PCSK2: variants seen among roughly 807,000 people sequenced by gnomAD.
PCSK2 encodes the protein proprotein convertase subtilisin/kexin type 2.
PCSK2 carries 14 observed loss-of-function variants against 69.7 expected under a neutral mutation model. That is an observed-to-expected ratio of 0.20 (90% CI 0.13 to 0.31). PCSK2 has a LOEUF of 0.31. Ranked by LOEUF, PCSK2 falls within the 10% of genes least tolerant of loss-of-function variation. The pLI is 1.00. For synonymous variants in PCSK2, 307 were observed against 320.7 expected, an observed-to-expected ratio of 0.96 and a Z score of 0.46; for missense variants, 544 against 842.5, an observed-to-expected ratio of 0.65 and a Z score of 4.39.
At chr20:17,240,828 A>G (rs1986542641) in intron 1 of PCSK2, among the ~76,000 whole-genome samples, 1 of 152,162 alleles carries the variant, frequency 6.6e-6, no homozygotes, top group Non-Finnish European at 1.5e-5. Context: ...CTAATCCCTC[A>G]TAGGAGTGTC....
chr20:17,392,314 C>A (rs2031403596), intron 5 of PCSK2, among the ~76,000 whole-genome samples: 2 of 152,140 alleles, frequency 1.3e-5, no homozygotes, highest in African/African-American at 4.8e-5. Flanking sequence ...GGAAACAGTT[C>A]TTTTGAATAG....
At chr20:17,335,983 A>G (rs1215792065) in intron 2 of PCSK2, among the ~76,000 whole-genome samples, 1 of 151,876 alleles carries the variant, frequency 6.6e-6, no homozygotes, top group Non-Finnish European at 1.5e-5. Flanking sequence ...TCATCACAGC[A>G]TCACCTATTT....
chr20:17,431,284 T>C (rs2123340619), intron 7 of PCSK2, among the ~76,000 whole-genome samples: 1 of 152,310 alleles, frequency 6.6e-6, no homozygotes, highest in South Asian at 2.1e-4. Context: ...GCGGCATTAA[T>C]CTGCCAGTTC....
Position 17,299,059 on chromosome 20 carries a change from G to C in PCSK2, c.282+38715G>C, listed in dbSNP as rs866153268. Among the ~76,000 whole-genome samples, 5 of 152,024 alleles carry C rather than the reference G, an allele frequency of 3.3e-5. No individual in the cohort carries two copies. The South Asian group carries it at 6.2e-4, about 19-fold the overall frequency. On this transcript the variant is annotated intron_variant, in intron 2 of 11. Transcript: ENST00000262545. ...ATACTTAATATTTCTAATTTTTAATGTACAGAAAGTTTAAAAGTTTATTTT... is the reference window on the plus strand; with the variant it reads ...ATACTTAATATTTCTAATTTTTAATCTACAGAAAGTTTAAAAGTTTATTTT...
chr20:17,448,083 C>T (rs1283528680), intron 8 of PCSK2, among the ~76,000 whole-genome samples: 1 of 152,076 alleles, frequency 6.6e-6, no homozygotes, highest in Non-Finnish European at 1.5e-5. Context: ...AATACAATAA[C>T]TTTTTCCAAG....
At chr20:17,384,445 A>C (rs2031178541) in intron 5 of PCSK2, among the ~76,000 whole-genome samples, 1 of 146,770 alleles carries the variant, frequency 6.8e-6, no homozygotes, top group Non-Finnish European at 1.5e-5. Context: ...AAAAAAAAAA[A>C]TACAAAATTA....
chr20:17,400,473 TAAGG>T (rs1442440009), intron 5 of PCSK2, among the ~76,000 whole-genome samples: 1 of 152,102 alleles, frequency 6.6e-6, no homozygotes, highest in Non-Finnish European at 1.5e-5. Context: ...ATTACCCACA[TAAGG>T]ACATCATAAG....
chr20:17,324,199 TA>T (rs1436297558), intron 2 of PCSK2, among the ~76,000 whole-genome samples: 1 of 152,162 alleles, frequency 6.6e-6, no homozygotes, highest in Non-Finnish European at 1.5e-5. Flanking sequence ...GCCTCCTAGA[TA>T]AACTATACTC....
At chr20:17,287,506 A>C (rs1988558794) in intron 2 of PCSK2, among the ~76,000 whole-genome samples, 1 of 151,776 alleles carries the variant, frequency 6.6e-6, no homozygotes, top group Non-Finnish European at 1.5e-5. Context: ...AATGAAGCTG[A>C]GGAAGTAAAC....
intron 5 of PCSK2, among the ~76,000 whole-genome samples, chr20:17,402,865 G>T (rs760253145): frequency 1.3e-5 from 2 of 152,018 alleles, no homozygotes; most frequent in African/African-American, 4.8e-5. Flanking sequence ...GCTGAGGCGG[G>T]AGAATGGCAT....
At chr20:17,249,321 A>G (rs554952475) in intron 1 of PCSK2, among the ~76,000 whole-genome samples, 152 of 152,046 alleles carry the variant, frequency 1.0e-3, no homozygotes, top group African/African-American at 3.4e-3. Context: ...CCTGGCTAAC[A>G]TGGTGAAACC....
chr20:17,341,856 T>C (rs1436284960), intron 2 of PCSK2, among the ~76,000 whole-genome samples: 1 of 151,542 alleles, frequency 6.6e-6, no homozygotes, highest in Non-Finnish European at 1.5e-5. Context: ...ACTTTTTTTT[T>C]CCACAGTGTT....
intron 1 of PCSK2, among the ~76,000 whole-genome samples, chr20:17,237,068 T>G (rs1355385569): frequency 6.6e-6 from 1 of 152,150 alleles, no homozygotes; most frequent in Non-Finnish European, 1.5e-5. Flanking sequence ...AAGAATGTCT[T>G]AAGCAACATT....
At chr20:17,470,731 G>A (rs937039193) in intron 11 of PCSK2, among the ~76,000 whole-genome samples, 21 of 152,258 alleles carry the variant, frequency 1.4e-4, no homozygotes, top group South Asian at 8.3e-4. Flanking sequence ...TAAAGCAAAC[G>A]GCCTTAACTC....
At chr20:17,233,794 C>G (rs1159988647) in intron 1 of PCSK2, among the ~76,000 whole-genome samples, 1 of 152,182 alleles carries the variant, frequency 6.6e-6, no homozygotes, top group Admixed American at 6.5e-5. Flanking sequence ...CATTTCCCAG[C>G]CTGCCTTGTA....
At chr20:17,435,529 C>T (rs543614355) in intron 7 of PCSK2, among the ~76,000 whole-genome samples, 1 of 152,264 alleles carries the variant, frequency 6.6e-6, no homozygotes, top group Admixed American at 6.5e-5. Flanking sequence ...ACCTGGGTGG[C>T]TTTTAATTCG....
chr20:17,470,085 C>A (rs1435203055), intron 11 of PCSK2, among the ~76,000 whole-genome samples: 5 of 152,178 alleles, frequency 3.3e-5, no homozygotes, highest in African/African-American at 9.7e-5. Flanking sequence ...TAAGGCTAAA[C>A]CCTACTCATC....
At chr20:17,287,365 T>C (rs1044960696) in intron 2 of PCSK2, among the ~76,000 whole-genome samples, 1 of 151,240 alleles carries the variant, frequency 6.6e-6, no homozygotes, top group Non-Finnish European at 1.5e-5. Context: ...CCGTGAAAAA[T>C]ACTTGCAAAT....
At chr20:17,327,019 T>C (rs1327008056) in intron 2 of PCSK2, among the ~76,000 whole-genome samples, 1 of 152,214 alleles carries the variant, frequency 6.6e-6, no homozygotes, top group Non-Finnish European at 1.5e-5. Context: ...TCCCCCTTCT[T>C]CTGTCTCCTC....
Sources: allele counts gnomAD v4.1 joint callset (sites outside exome capture counted in the v4.1 genomes callset), GRCh38; gene constraint gnomAD v4.1.1; transcripts MANE v1.5; gene names NCBI Gene and HGNC (gene_info 2026-07-23, HGNC 2026-07-21).